THSD7B: variants seen among roughly 807,000 people sequenced by gnomAD.
THSD7B encodes thrombospondin type 1 domain containing 7B, also known as thrombospondin type-1 domain-containing protein 7B.
A neutral mutation model predicts 213.6 loss-of-function variants in THSD7B; 138 were observed. That is an observed-to-expected ratio of 0.65 (90% confidence interval 0.56 to 0.74). The LOEUF (loss-of-function observed/expected upper bound fraction) is 0.74, where lower values mean the gene tolerates loss of function less well. THSD7B is among the 30% of genes least tolerant of loss of function. The pLI, the probability that THSD7B is intolerant of heterozygous loss-of-function variation, is 0.00. For synonymous variants in THSD7B, 742 were observed against 687.0 expected, an observed-to-expected ratio of 1.08 and a Z score of -1.25; for missense variants, 1,931 against 1,991.5, an observed-to-expected ratio of 0.97 and a Z score of 0.58.
At chr2:136,864,564 T>C (rs985542507) in intron 1 of THSD7B, among the ~76,000 whole-genome samples, 1 of 152,102 alleles carries the variant, frequency 6.6e-6, no homozygotes, top group African/African-American at 2.4e-5. Context: ...CTTTTCTTTT[T>C]TTTTTTGAGA....
intron 3 of THSD7B, among the ~76,000 whole-genome samples, chr2:137,063,965 C>T (rs1366781339): frequency 6.6e-6 from 1 of 151,990 alleles, no homozygotes; most frequent in African/African-American, 2.4e-5. Flanking sequence ...GCACAGTGCT[C>T]CAGTAAATAT....
chr2:137,534,000 ATG>A (rs141422453), intron 15 of THSD7B, among the ~76,000 whole-genome samples: 1,944 of 132,754 alleles, frequency 0.015, 49 homozygotes, highest in African/African-American at 0.053. Context: ...GTGCACATGT[ATG>A]TGTGTGTGTG....
chr2:137,395,880 T>G (rs144211871), intron 12 of THSD7B, among the ~76,000 whole-genome samples: 146,620 of 147,924 alleles, frequency 0.99, 72,677 homozygotes, highest in East Asian at 1. Flanking sequence ...CTTCTTCCTT[T>G]TTTAGTCTTG....
intron 20 of THSD7B, among the ~76,000 whole-genome samples, chr2:137,625,578 A>G (rs1287410135): frequency 2.0e-5 from 3 of 152,108 alleles, no homozygotes; most frequent in Non-Finnish European, 4.4e-5. Flanking sequence ...TCTGGAACAT[A>G]TTCATTTGAC....
intron 17 of THSD7B, among the ~76,000 whole-genome samples, chr2:137,613,333 C>A (rs2104835186): frequency 6.6e-6 from 1 of 152,230 alleles, no homozygotes; most frequent in South Asian, 2.1e-4. Context: ...TACTCTTTGA[C>A]AAGACTCCTT....
intron 17 of THSD7B, among the ~76,000 whole-genome samples, chr2:137,584,562 T>G (rs1262902373): frequency 6.6e-6 from 1 of 152,230 alleles, no homozygotes; most frequent in Non-Finnish European, 1.5e-5. Flanking sequence ...TTGAATTTTG[T>G]CAAAGGCCTT....
chr2:137,620,641 T>C lies in THSD7B; in HGVS notation c.3714T>C (p.Ile1238=), dbSNP rs1682501814. Residue 1238 remains isoleucine, a synonymous_variant, in exon 20 of 28, where the codon ATT becomes ATC. Transcript: ENST00000409968. ...HNLEKPQRMS[I]PCLVECVVNC... ...TGGAGAAGCCCCAGAGAATGAGCAT[T>C]CCCTGCTTGGTGGAATGCGTGGTCA... 4 of 1,613,948 alleles carry C rather than the reference T, an allele frequency of 2.5e-6. No individual in the cohort carries two copies. Among genetic ancestry groups the C allele is most frequent in the Non-Finnish European group, 2.5e-6 (3 of 1,179,820 alleles).
intron 14 of THSD7B, among the ~76,000 whole-genome samples, chr2:137,445,229 C>T (rs183724079): frequency 6.6e-6 from 1 of 152,086 alleles, no homozygotes; most frequent in East Asian, 1.9e-4. Context: ...AATAGAACTA[C>T]CATATGATTC....
intron 2 of THSD7B, among the ~76,000 whole-genome samples, chr2:136,958,442 C>G (rs920688660): frequency 2.0e-5 from 3 of 152,130 alleles, no homozygotes; most frequent in African/African-American, 7.2e-5. Context: ...CTAGTTTAAT[C>G]CAGATATAAA....
chr2:137,181,603 G>A (rs1490944420), intron 7 of THSD7B, among the ~76,000 whole-genome samples: 1 of 152,160 alleles, frequency 6.6e-6, no homozygotes, highest in African/African-American at 2.4e-5. Context: ...AGCTCTTAGG[G>A]TTTCTGCAGG....
intron 1 of THSD7B, among the ~76,000 whole-genome samples, chr2:136,863,766 G>A (rs1683290867): frequency 6.6e-6 from 1 of 152,162 alleles, no homozygotes; most frequent in African/African-American, 2.4e-5. Flanking sequence ...GTGTTTGACT[G>A]TAAGCTTTCA....
In THSD7B at chr2:137,546,428, ATATATATTATATATATTATATATATAT is replaced by A. The variant is rs1680725574; in HGVS notation, c.3139-16785_3139-16759del. Among the ~76,000 whole-genome samples, 9 of 29,742 alleles carry A rather than the reference ATATATATTATATATATTATATATATAT, an allele frequency of 3.0e-4. 1 individual carries two copies. The East Asian group carries it at 5.0e-3, about 16-fold the overall frequency. 19.5% of individuals were successfully genotyped at this position (29,742 alleles called of 152,430 possible). On this transcript the variant is annotated intron_variant, in intron 15 of 27. Coordinates refer to ENST00000409968, the MANE Select transcript of THSD7B (RefSeq NM_001316349.2). ...ATTATATATATATTATATATATTAT[ATATATATTATATATATTATATATATAT>A]TATATATAATATATATATATATAAT...
chr2:137,395,341 T>A (rs1403514086), intron 12 of THSD7B, among the ~76,000 whole-genome samples: 8 of 150,616 alleles, frequency 5.3e-5, no homozygotes, highest in South Asian at 2.1e-4. Context: ...TGTCCCATCA[T>A]TACCTAATTT....
At chr2:137,406,594 T>C (rs1277554140) in intron 13 of THSD7B, among the ~76,000 whole-genome samples, 1 of 152,234 alleles carries the variant, frequency 6.6e-6, no homozygotes, top group Non-Finnish European at 1.5e-5. Context: ...TTTGTTCTCA[T>C]GAGCAGTTGA....
At chr2:137,319,416 T>G (rs1275082583) in intron 12 of THSD7B, among the ~76,000 whole-genome samples, 4 of 152,186 alleles carry the variant, frequency 2.6e-5, no homozygotes, top group African/African-American at 9.7e-5. Flanking sequence ...CTTATTACTA[T>G]CTACAGAGCA....
At chr2:137,430,728 C>T (rs1687160693) in intron 14 of THSD7B, among the ~76,000 whole-genome samples, 1 of 152,170 alleles carries the variant, frequency 6.6e-6, no homozygotes, top group Non-Finnish European at 1.5e-5. Flanking sequence ...AAGGTTGAGG[C>T]TGGATTTGAA....
At chr2:137,416,502 T>C (rs1397295026) in intron 14 of THSD7B, among the ~76,000 whole-genome samples, 1 of 150,728 alleles carries the variant, frequency 6.6e-6, no homozygotes. Flanking sequence ...GATCTCTATT[T>C]CTCTTACTAA....
chr2:136,952,957 T>C (rs1437238726), intron 2 of THSD7B, among the ~76,000 whole-genome samples: 4 of 152,160 alleles, frequency 2.6e-5, no homozygotes, highest in African/African-American at 7.2e-5. Context: ...CCAGAGCAAA[T>C]TGTTATGGTT....
At chr2:137,288,804 T>G (rs1020379453) in intron 12 of THSD7B, among the ~76,000 whole-genome samples, 1 of 151,412 alleles carries the variant, frequency 6.6e-6, no homozygotes, top group Admixed American at 6.6e-5. Context: ...TATATATATA[T>G]ATATATATTA....
Sources: allele counts gnomAD v4.1 joint callset (sites outside exome capture counted in the v4.1 genomes callset), GRCh38; gene constraint gnomAD v4.1.1; transcripts MANE v1.5; gene names NCBI Gene and HGNC (gene_info 2026-07-23, HGNC 2026-07-21).